SPEF2: variants seen among roughly 807,000 people sequenced by gnomAD.
The protein encoded by SPEF2 is sperm flagella and cilia-associated protein 2.
A neutral mutation model predicts 224.6 loss-of-function variants in SPEF2; 187 were observed. That is an observed-to-expected ratio of 0.83 (90% confidence interval 0.74 to 0.94). The LOEUF (loss-of-function observed/expected upper bound fraction) is 0.94, where lower values mean the gene tolerates loss of function less well. Among genes scored for constraint, SPEF2 ranks in the 40% least tolerant of loss-of-function variants. SPEF2 has a pLI of 0.00. For synonymous variants in SPEF2, 715 were observed against 707.3 expected (o/e 1.01, Z -0.17); for missense variants, 2,170 against 2,135.6 (o/e 1.02, Z -0.32).
chr5:35,751,080 C>CATATATATAT lies in SPEF2; in HGVS notation c.3331-2543_3331-2542insTATATATATA, dbSNP rs1274340281. ...ACGTATATATATGTATATATATATA[C>CATATATATAT]ACACACACACACACACATATATATA... On this transcript the variant is annotated intron_variant, in intron 23 of 36. Coordinates refer to ENST00000356031, the MANE Select transcript of SPEF2 (RefSeq NM_024867.4). 4.8e-4 allele frequency among the ~76,000 whole-genome samples: 21 copies of CATATATATAT among 43,742 alleles called. 1 individual carries two copies. Among genetic ancestry groups the CATATATATAT allele is most frequent in the South Asian group, 3.3e-3 (3 of 906 alleles). The allele number at this position is 43,742 out of a possible 152,430, so 28.7% of individuals were successfully genotyped here.
intron 7 of SPEF2, among the ~76,000 whole-genome samples, chr5:35,656,266 G>T (rs538345418): frequency 5.7e-4 from 87 of 152,212 alleles, no homozygotes; most frequent in Non-Finnish European, 7.8e-4. Context: ...CCCACGTCTG[G>T]TCTGCTTGTT....
chr5:35,719,887 T>G (rs1037280700), intron 20 of SPEF2, among the ~76,000 whole-genome samples: 2 of 152,172 alleles, frequency 1.3e-5, no homozygotes, highest in Non-Finnish European at 2.9e-5. Context: ...CCCAAAGTGC[T>G]GGGATTACAA....
intron 26 of SPEF2, chr5:35,764,610 A>T (rs758097265): frequency 2.2e-6 from 1 of 456,100 alleles, no homozygotes; most frequent in Non-Finnish European, 4.4e-6. Context: ...TCCATGAAAT[A>T]TCGCATTCAA....
intron 16 of SPEF2, among the ~76,000 whole-genome samples, chr5:35,703,643 G>C (rs1261309873): frequency 6.6e-6 from 1 of 152,136 alleles, no homozygotes; most frequent in Non-Finnish European, 1.5e-5. Flanking sequence ...TCCATGCACT[G>C]AAGTCCTGAC....
At chr5:35,756,829 G>A (rs1206911424) in intron 24 of SPEF2, among the ~76,000 whole-genome samples, 1 of 152,188 alleles carries the variant, frequency 6.6e-6, no homozygotes, top group South Asian at 2.1e-4. Flanking sequence ...TTTAGACATC[G>A]AGATGCCCTG....
intron 10 of SPEF2, among the ~76,000 whole-genome samples, chr5:35,676,224 A>AGCCCTCTTCCAAGCTCC (rs965788758): frequency 1.3e-5 from 2 of 152,150 alleles, no homozygotes; most frequent in African/African-American, 4.8e-5. Context: ...GAGAGAAGCC[A>AGCCCTCTTCCAAGCTCC]GCCCTCTTCC....
chr5:35,732,131 C>G (rs1745736485), intron 21 of SPEF2, among the ~76,000 whole-genome samples: 1 of 152,076 alleles, frequency 6.6e-6, no homozygotes, highest in South Asian at 2.1e-4. Context: ...TTGAGCTGAC[C>G]CATTCCTGCT....
intron 30 of SPEF2, 104 bp downstream of exon 30, chr5:35,779,450 G>T: frequency 2.5e-6 from 2 of 802,670 alleles, no homozygotes. Flanking sequence ...GGATCATGTG[G>T]CACTAAAACA....
chr5:35,647,684 C>T (rs1164914482), intron 5 of SPEF2, among the ~76,000 whole-genome samples: 1 of 152,096 alleles, frequency 6.6e-6, no homozygotes, highest in Non-Finnish European at 1.5e-5. Flanking sequence ...ATGGGTACAG[C>T]AGGGGCCAGT....
intron 34 of SPEF2, among the ~76,000 whole-genome samples, chr5:35,805,805 AC>A (rs1464473979): frequency 6.6e-6 from 1 of 152,106 alleles, no homozygotes; most frequent in Non-Finnish European, 1.5e-5. Flanking sequence ...TACTGCATGT[AC>A]TACTTTGTTT....
intron 25 of SPEF2, among the ~76,000 whole-genome samples, chr5:35,761,685 C>T (rs2149753195): frequency 6.6e-6 from 1 of 150,716 alleles, no homozygotes; most frequent in South Asian, 2.1e-4. Flanking sequence ...AGATTAAAAA[C>T]AATTAAAAAA....
At chr5:35,783,515 A>T (rs964325575) in intron 30 of SPEF2, among the ~76,000 whole-genome samples, 1 of 152,226 alleles carries the variant, frequency 6.6e-6, no homozygotes, top group Non-Finnish European at 1.5e-5. Flanking sequence ...TGACTTGATT[A>T]TATAATTATA....
At chr5:35,706,732 C>G (rs527823845) in intron 18 of SPEF2, among the ~76,000 whole-genome samples, 73 of 152,150 alleles carry the variant, frequency 4.8e-4, no homozygotes, top group Non-Finnish European at 9.4e-4. Flanking sequence ...AGACATAAAC[C>G]ACAATCACCA....
Position 35,788,756 on chromosome 5 carries a change from G to T in SPEF2, c.4448-3584G>T, listed in dbSNP as rs1053287298. 5.7e-6 allele frequency: 4 copies of T among 703,042 alleles called. No individual in the cohort carries two copies. In the Admixed American group the frequency reaches 8.0e-5, roughly 14 times the overall value. The allele number at this position is 703,042 out of a possible 1,614,324, so 43.6% of individuals were successfully genotyped here. Reference sequence around the variant, plus strand: ...AGAAATACAACCATGTGTACAAACTGTATATTGCTTTGCACATCACCTTGA... The same window carrying T: ...AGAAATACAACCATGTGTACAAACTTTATATTGCTTTGCACATCACCTTGA... On this transcript the variant is annotated intron_variant, in intron 30 of 36. Coordinates refer to ENST00000356031, the MANE Select transcript of SPEF2 (RefSeq NM_024867.4).
intron 10 of SPEF2, among the ~76,000 whole-genome samples, chr5:35,685,584 A>G (rs1423840467): frequency 2.6e-5 from 4 of 152,120 alleles, no homozygotes; most frequent in Non-Finnish European, 5.9e-5. Flanking sequence ...TTAATCTGTT[A>G]CTAAGGGCCA....
intron 16 of SPEF2, among the ~76,000 whole-genome samples, chr5:35,703,123 T>G (rs1739014618): frequency 7.6e-6 from 1 of 132,130 alleles, no homozygotes; most frequent in Admixed American, 7.5e-5. Context: ...TATTCTCTCT[T>G]TATTTATTTT....
At chr5:35,719,976 G>C (rs1743317468) in intron 20 of SPEF2, among the ~76,000 whole-genome samples, 1 of 152,248 alleles carries the variant, frequency 6.6e-6, no homozygotes, top group Non-Finnish European at 1.5e-5. Context: ...GGACTGCGTA[G>C]ACGAAGGTAT....
intron 2 of SPEF2, among the ~76,000 whole-genome samples, chr5:35,638,227 TG>T (rs1478670914): frequency 2.0e-5 from 3 of 152,178 alleles, no homozygotes; most frequent in Non-Finnish European, 4.4e-5. Context: ...ATAAAGACCT[TG>T]TTTAGACTTC....
intron 32 of SPEF2, among the ~76,000 whole-genome samples, chr5:35,794,173 A>T (rs917337514): frequency 6.6e-6 from 1 of 152,262 alleles, no homozygotes; most frequent in African/African-American, 2.4e-5. Context: ...AGACAAGAGT[A>T]AAAACAAAAT....
Sources: gnomAD v4.1 joint callset for allele counts (sites outside exome capture counted in the v4.1 genomes callset) on GRCh38, gnomAD v4.1.1 for gene constraint, MANE v1.5 for transcripts, NCBI Gene and HGNC (gene_info 2026-07-23, HGNC 2026-07-21) for gene names.